The following MAP3K2 variants were observed in gnomAD, a reference collection of about 807,000 sequenced individuals.
MAP3K2 encodes mitogen-activated protein kinase kinase kinase 2, also known as MAP/ERK kinase kinase 2.
A neutral mutation model predicts 80.3 loss-of-function variants in MAP3K2; 24 were observed. The observed-to-expected ratio is 0.30, with a 90% CI of 0.22 to 0.42. MAP3K2 has a LOEUF of 0.42. Ranked by LOEUF, MAP3K2 falls within the 10% of genes least tolerant of loss-of-function variation. MAP3K2 has a pLI of 1.00. For synonymous variants in MAP3K2, 244 were observed against 253.7 expected (o/e 0.96, Z 0.36); for missense variants, 608 against 750.1 (o/e 0.81, Z 2.21).
At chr2:127,345,462 T>C (rs991052931) in intron 1 of MAP3K2, among the ~76,000 whole-genome samples, 1 of 152,114 alleles carries the variant, frequency 6.6e-6, no homozygotes, top group Non-Finnish European at 1.5e-5. Flanking sequence ...CAATAACGGA[T>C]AAAATAAGTA....
At chr2:127,373,107 A>G (rs1419116395) in intron 1 of MAP3K2, among the ~76,000 whole-genome samples, 1 of 152,230 alleles carries the variant, frequency 6.6e-6, no homozygotes, top group African/African-American at 2.4e-5. Context: ...CCCTGATTCC[A>G]ATGGAAAGTG....
At chr2:127,375,218 C>A (rs542801376) in intron 1 of MAP3K2, among the ~76,000 whole-genome samples, 56 of 151,974 alleles carry the variant, frequency 3.7e-4, no homozygotes, top group African/African-American at 1.4e-3. Context: ...AGGACCCAAC[C>A]CAGTACCAGA....
chr2:127,338,953 T>C lies in MAP3K2; in HGVS notation c.102A>G (p.Lys34=). Residue 34 remains lysine (K), a synonymous_variant, in exon 3 of 17, where the codon AAA becomes AAG. Coordinates refer to ENST00000682094, the MANE Select transcript of MAP3K2 (RefSeq NM_001371910.2). The part of the protein sequence containing the change: ...ALSLQETRKA[K]SSSPKKQNDV... ...ATACCTGTTTTTTTGGTGATGAAGA[T>C]TTTGCTTTTCTGGTTTCCTGCAAGG... 2 of 1,608,950 alleles carry C rather than the reference T, an allele frequency of 1.2e-6. No homozygotes were observed. Among genetic ancestry groups the C allele is most frequent in the Non-Finnish European group, 1.7e-6 (2 of 1,177,630 alleles).
Position 127,365,527 on chromosome 2 carries a change from C to CTG in MAP3K2, c.-66+21924_-66+21925insCA, listed in dbSNP as rs573271996. On this transcript the variant is annotated intron_variant, in intron 1 of 16. Coordinates refer to ENST00000682094, the MANE Select transcript of MAP3K2 (RefSeq NM_001371910.2). ...GGTTAGATAGAGCTGCAGTTGCCAG[C>CTG]CGACTGCGCAGCTCTCCTCTGCTCT... 3.2e-3 allele frequency among the ~76,000 whole-genome samples: 485 copies of CTG among 152,304 alleles called. 6 individuals carry two copies. Among genetic ancestry groups the CTG allele is most frequent in the Admixed American group, 6.6e-3 (101 of 15,294 alleles).
At chr2:127,323,834 A>AT (rs917806786) in intron 11 of MAP3K2, 68 bp downstream of exon 11, 2 of 713,730 alleles carry the variant, frequency 2.8e-6, no homozygotes, top group African/African-American at 3.7e-5. Flanking sequence ...GTTTTAAAAA[A>AT]TTTTTGTATT....
At chr2:127,332,396 C>T (rs1463856938) in intron 5 of MAP3K2, among the ~76,000 whole-genome samples, 1 of 152,182 alleles carries the variant, frequency 6.6e-6, no homozygotes, top group Admixed American at 6.5e-5. Flanking sequence ...AACACTAAGT[C>T]AAATGACAGA....
At chr2:127,332,869 C>T (rs1487390068) in intron 5 of MAP3K2, among the ~76,000 whole-genome samples, 2 of 152,136 alleles carry the variant, frequency 1.3e-5, no homozygotes, top group African/African-American at 4.8e-5. Flanking sequence ...GTGGCTCACA[C>T]CTGTAATCTC....
chr2:127,332,012 T>C (rs1050147928), intron 5 of MAP3K2, among the ~76,000 whole-genome samples: 3 of 152,246 alleles, frequency 2.0e-5, no homozygotes, highest in Non-Finnish European at 2.9e-5. Context: ...GTTGTTAAAA[T>C]ATATTCCCAA....
At chr2:127,355,427 G>A (rs201291262) in intron 1 of MAP3K2, among the ~76,000 whole-genome samples, 1 of 152,122 alleles carries the variant, frequency 6.6e-6, no homozygotes, top group African/African-American at 2.4e-5. Context: ...TCATAATAAA[G>A]TGAATTTTTT....
chr2:127,351,718 C>T (rs904773276), intron 1 of MAP3K2, among the ~76,000 whole-genome samples: 1 of 152,126 alleles, frequency 6.6e-6, no homozygotes, highest in African/African-American at 2.4e-5. Context: ...ATTTCCTATA[C>T]AACAATAAGG....
chr2:127,314,255 G>A (rs1407688318), intron 15 of MAP3K2, among the ~76,000 whole-genome samples: 2 of 151,996 alleles, frequency 1.3e-5, no homozygotes, highest in Non-Finnish European at 2.9e-5. Flanking sequence ...TCTTTCCCTC[G>A]GTAGTGACAC....
intron 1 of MAP3K2, among the ~76,000 whole-genome samples, chr2:127,358,529 T>G (rs1216864627): frequency 6.6e-6 from 1 of 152,190 alleles, no homozygotes; most frequent in Non-Finnish European, 1.5e-5. Flanking sequence ...AAGGTGTTCT[T>G]AAGAAAGTGA....
Position 127,387,950 on chromosome 2 carries a change from G to A in MAP3K2, c.-564C>T, listed in dbSNP as rs556285061. 2.7e-3 allele frequency: 2,678 copies of A among 984,682 alleles called. 58 individuals carry two copies. The African/African-American group carries it at 0.044, about 16-fold the overall frequency. The allele number at this position is 984,682 out of a possible 1,614,324, so 61.0% of individuals were successfully genotyped here. On this transcript the variant is annotated 5_prime_UTR_variant, in exon 1 of 17. Transcript: ENST00000682094. ...GCCGCCGCTGAGGGCAGGCAGCCCG[G>A]CAGCCACTACACACGGACCCGTGAC...
chr2:127,373,130 A>T (rs545467040), intron 1 of MAP3K2, among the ~76,000 whole-genome samples: 5 of 152,358 alleles, frequency 3.3e-5, no homozygotes, highest in African/African-American at 1.2e-4. Context: ...TCCCCAAGGA[A>T]TGCTGAACAG....
rs1197647418 is a variant in MAP3K2 at position 127,302,543 on chromosome 2, G to A, written c.*5036C>T. ...CTTTTCTGTGAGTATTACCCAAAAT[G>A]TTAGCTGAGAATTAAGGACTAGAAT... On this transcript the variant is annotated 3_prime_UTR_variant, in exon 17 of 17. Coordinates refer to ENST00000682094, the MANE Select transcript of MAP3K2 (RefSeq NM_001371910.2). 7.2e-5 allele frequency: 11 copies of A among 151,986 alleles called. No individual in the cohort carries two copies. The highest frequency in any genetic ancestry group is 1.0e-4 in the Non-Finnish European group (7 of 68,008). The allele number at this position is 151,986 out of a possible 1,614,324, so 9.4% of individuals were successfully genotyped here. A position where few individuals can be genotyped will look rare whatever the true frequency, so the allele number is the denominator to read the frequency against.
rs1179996329 is a variant in MAP3K2, at chr2:127,330,448, G to C, written c.322C>G (p.Arg108Gly). The C allele has an allele frequency of 1.2e-6, 2 of 1,609,424 alleles. No homozygotes were observed. The highest frequency in any genetic ancestry group is 4.5e-5 in the East Asian group (2 of 44,604). Residue 108 changes from arginine (R) to glycine (G), a missense_variant, in exon 6 of 17, where the codon CGT becomes GGT. By Grantham distance (125) the Arg-to-Gly change is moderately radical. This residue lies in a region of MAP3K2 where 467 missense variants were observed against 521.9 expected (regional missense o/e 0.89). Transcript: ENST00000682094. ...TTGAGGCTCTTCATATGAATACTAC[G>C]ATCCAGCAGTTCCACAGCTTTGTCC... ...DLDKAVELLD[R>G]SIHMKSLKIL...
In MAP3K2 at chr2:127,307,708, T is replaced by C. The variant is rs1372124323; in HGVS notation, c.1731A>G (p.Pro577=). The C allele has an allele frequency of 7.5e-6, 12 of 1,597,408 alleles. No individual in the cohort carries two copies. The highest frequency in any genetic ancestry group is 1.0e-5 in the Non-Finnish European group (12 of 1,171,346). Residue 577 remains proline, a synonymous_variant, in exon 17 of 17, where the codon CCA becomes CCG. Coordinates refer to ENST00000682094, the MANE Select transcript of MAP3K2 (RefSeq NM_001371910.2). This position sits in a 1 kb window ranked among gnomAD's most constrained non-coding sequence, Gnocchi z 5.4. ...CATGAGGTGGCAGCTTTGGGTTTGT[T>C]GGCTGAGTGGCGATTTTAAAGATGG... The part of the protein sequence containing the change: ...MAAIFKIATQ[P]TNPKLPPHVS...
At chr2:127,325,410 G>A (rs1686112972) in intron 9 of MAP3K2, among the ~76,000 whole-genome samples, 1 of 152,168 alleles carries the variant, frequency 6.6e-6, no homozygotes, top group Admixed American at 6.5e-5. Flanking sequence ...TGAGCATGGT[G>A]GCTCATGTGT....
At chr2:127,324,532 T>C (rs187688849) in intron 9 of MAP3K2, among the ~76,000 whole-genome samples, 213 of 152,336 alleles carry the variant, frequency 1.4e-3, no homozygotes, top group African/African-American at 5.0e-3. Flanking sequence ...CACTTAACTA[T>C]GTAACCTTGG....
Sources: allele counts gnomAD v4.1 joint callset (sites outside exome capture counted in the v4.1 genomes callset), GRCh38; gene constraint gnomAD v4.1.1; regional missense constraint gnomAD v4.1.1; non-coding constraint Gnocchi (gnomAD v3.1); transcripts MANE v1.5; gene names NCBI Gene and HGNC (gene_info 2026-07-23, HGNC 2026-07-21).